Variants in ERO1B observed in about 807,000 individuals in gnomAD.
ERO1B encodes the protein endoplasmic reticulum oxidoreductase 1 beta, also known as ERO1-like protein beta.
ERO1B carries 49 observed loss-of-function variants against 75.3 expected under a neutral mutation model. The observed-to-expected ratio is 0.65, with a 90% CI of 0.52 to 0.83. ERO1B has a LOEUF of 0.83. Among genes scored for constraint, ERO1B ranks in the 40% least tolerant of loss-of-function variants. ERO1B has a pLI of 0.00. For missense variants in ERO1B, 512 were observed against 560.1 expected (o/e 0.91, Z 0.87); for synonymous variants, 191 against 192.9 (o/e 0.99, Z 0.08).
At chr1:236,240,322 T>C (rs1273590557) in intron 6 of ERO1B, among the ~76,000 whole-genome samples, 1 of 152,186 alleles carries the variant, frequency 6.6e-6, no homozygotes, top group African/African-American at 2.4e-5. Context: ...TCCTAACTCA[T>C]ATATCTCTTA....
chr1:236,249,025 CTTTT>C (rs11367113), intron 5 of ERO1B, among the ~76,000 whole-genome samples: 7 of 118,138 alleles, frequency 5.9e-5, no homozygotes, highest in African/African-American at 8.6e-5. Context: ...AAATACAAAT[CTTTT>C]TTTTTTTTTT....
intron 2 of ERO1B, among the ~76,000 whole-genome samples, chr1:236,262,992 G>A (rs1017578329): frequency 6.6e-6 from 1 of 152,044 alleles, no homozygotes; most frequent in Non-Finnish European, 1.5e-5. Context: ...AAATGGGGAC[G>A]ACTAACTCGG....
intron 10 of ERO1B, among the ~76,000 whole-genome samples, chr1:236,229,740 G>A (rs1664356546): frequency 6.6e-6 from 1 of 152,124 alleles, no homozygotes; most frequent in African/African-American, 2.4e-5. Flanking sequence ...GAATGCAAAA[G>A]CATCTAATAT....
chr1:236,258,986 T>C (rs1239556676), intron 2 of ERO1B, among the ~76,000 whole-genome samples: 1 of 152,110 alleles, frequency 6.6e-6, no homozygotes, highest in Non-Finnish European at 1.5e-5. Flanking sequence ...GTGGTGTAAA[T>C]ATCAATTATA....
At chr1:236,227,638 G>A (rs1241843663) in intron 10 of ERO1B, among the ~76,000 whole-genome samples, 1 of 152,070 alleles carries the variant, frequency 6.6e-6, no homozygotes, top group Non-Finnish European at 1.5e-5. Flanking sequence ...GCAGGAAAAT[G>A]GGCTTTAATA....
At chr1:236,244,315 G>A (rs979194612) in intron 5 of ERO1B, among the ~76,000 whole-genome samples, 1 of 152,072 alleles carries the variant, frequency 6.6e-6, no homozygotes, top group African/African-American at 2.4e-5. Context: ...AATTTGTTTT[G>A]TATTTGAGAA....
chr1:236,245,342 G>A (rs10924858), intron 5 of ERO1B, among the ~76,000 whole-genome samples: 10 of 12,136 alleles, frequency 8.2e-4, no homozygotes, highest in Non-Finnish European at 1.5e-3. Context: ...ATATATATAC[G>A]TATATATATA....
intron 9 of ERO1B, among the ~76,000 whole-genome samples, chr1:236,230,842 C>G (rs1425456446): frequency 6.6e-6 from 1 of 151,620 alleles, no homozygotes; most frequent in Non-Finnish European, 1.5e-5. Flanking sequence ...ACCTGTAGCC[C>G]CAGTTAACTC....
At chr1:236,249,159 G>A (rs1664955808) in intron 5 of ERO1B, among the ~76,000 whole-genome samples, 1 of 151,844 alleles carries the variant, frequency 6.6e-6, no homozygotes, top group African/African-American at 2.4e-5. Context: ...TCAGGTAGCT[G>A]GGATTATAGG....
chr1:236,221,816 C>T (rs2463190), intron 14 of ERO1B, 108 bp downstream of exon 14: 378,286 of 832,656 alleles, frequency 0.45, 90,898 homozygotes, highest in East Asian at 0.88. Context: ...TCTGCCTATT[C>T]CTAAATTCTA....
At chr1:236,233,317 A>G (rs1664460223) in intron 8 of ERO1B, among the ~76,000 whole-genome samples, 1 of 151,486 alleles carries the variant, frequency 6.6e-6, no homozygotes, top group Non-Finnish European at 1.5e-5. Context: ...CTCAAAAAAA[A>G]AAAAAAGAAG....
At chr1:236,233,896 A>G (rs1007518217) in intron 8 of ERO1B, among the ~76,000 whole-genome samples, 1 of 152,192 alleles carries the variant, frequency 6.6e-6, no homozygotes, top group Non-Finnish European at 1.5e-5. Context: ...GGAAGAGGCC[A>G]GAGGTTGGGC....
intron 2 of ERO1B, among the ~76,000 whole-genome samples, chr1:236,258,833 G>A (rs1367175936): frequency 6.6e-6 from 1 of 152,170 alleles, no homozygotes; most frequent in African/African-American, 2.4e-5. Flanking sequence ...ACGTTGCAGT[G>A]AGCCAAGATC....
intron 5 of ERO1B, among the ~76,000 whole-genome samples, chr1:236,247,448 T>C (rs972616242): frequency 6.6e-6 from 1 of 152,232 alleles, no homozygotes; most frequent in East Asian, 1.9e-4. Context: ...GTTAGCTTTA[T>C]CTTCAAAATA....
chr1:236,234,911 C>T (rs534682443), intron 8 of ERO1B, among the ~76,000 whole-genome samples: 7 of 152,248 alleles, frequency 4.6e-5, no homozygotes, highest in East Asian at 1.9e-4. Context: ...ACGCCACACA[C>T]GAGTGTTAAC....
chr1:236,220,027 T>TAAA lies in ERO1B; in HGVS notation c.1343+804_1343+805insTTT, dbSNP rs1558503946. The TAAA allele has an allele frequency of 2.6e-3, 345 of 132,828 alleles. 1 individual carries two copies. The highest frequency in any genetic ancestry group is 1.0e-2 in the African/African-American group (317 of 31,740). 8.2% of individuals were successfully genotyped at this position (132,828 alleles called of 1,614,324 possible). ...TGACAGAGCGAGACCCTCATCTCTT[T>TAAA]TAAAAAAAAAAAAAAAAAAAAAAAA... On this transcript the variant is annotated intron_variant, in intron 15 of 15. Transcript: ENST00000354619.
intron 2 of ERO1B, among the ~76,000 whole-genome samples, chr1:236,260,852 A>AAAATAAAT (rs71559930): frequency 0.24 from 36,209 of 151,546 alleles, 4,510 homozygotes; most frequent in East Asian, 0.38. Context: ...ACACTACAAA[A>AAAATAAAT]AAATAAACAA....
intron 10 of ERO1B, 103 bp downstream of exon 10, chr1:236,230,121 A>G: frequency 4.6e-6 from 4 of 878,068 alleles, no homozygotes; most frequent in Non-Finnish European, 7.2e-6. Context: ...AAACTGTCAA[A>G]ATTAGTTGAC....
chr1:236,221,559 A>G (rs1257586826), intron 14 of ERO1B, among the ~76,000 whole-genome samples: 17 of 152,204 alleles, frequency 1.1e-4, no homozygotes, highest in Admixed American at 1.1e-3. Flanking sequence ...ATACAAATTC[A>G]ATGACCAAGA....
Sources: gnomAD v4.1 joint callset for allele counts (sites outside exome capture counted in the v4.1 genomes callset) on GRCh38, gnomAD v4.1.1 for gene constraint, MANE v1.5 for transcripts, NCBI Gene and HGNC (gene_info 2026-07-23, HGNC 2026-07-21) for gene names.